Variants in PPP6R3 observed in about 807,000 individuals in gnomAD.
PPP6R3 encodes the protein protein phosphatase 6 regulatory subunit 3.
Under a neutral mutation model 110.7 loss-of-function variants are expected in PPP6R3, and 38 were observed. That is an observed-to-expected ratio of 0.34 (90% CI 0.26 to 0.45). PPP6R3 has a LOEUF of 0.45. PPP6R3 is among the 20% of genes least tolerant of loss of function. PPP6R3 has a pLI of 1.00. For missense variants in PPP6R3, 870 were observed against 1,062.4 expected, an observed-to-expected ratio of 0.82 and a Z score of 2.52; for synonymous variants, 369 against 373.5, an observed-to-expected ratio of 0.99 and a Z score of 0.14.
At chr11:68,462,781 T>C (rs1231034086) in intron 1 of PPP6R3, among the ~76,000 whole-genome samples, 1 of 152,174 alleles carries the variant, frequency 6.6e-6, no homozygotes. Context: ...AAACCTTGCG[T>C]GCACCTTCCC....
At chr11:68,581,656 C>G (rs1359679688) in intron 14 of PPP6R3, among the ~76,000 whole-genome samples, 5 of 152,228 alleles carry the variant, frequency 3.3e-5, no homozygotes, top group Non-Finnish European at 5.9e-5. Context: ...ATGCCAGCTG[C>G]CATGACCAAG....
At chr11:68,566,211 G>A (rs982662125) in intron 9 of PPP6R3, among the ~76,000 whole-genome samples, 6 of 151,696 alleles carry the variant, frequency 4.0e-5, no homozygotes, top group Admixed American at 3.9e-4. Context: ...ACCACTTGTA[G>A]CAACTACTAC....
chr11:68,473,054 G>A (rs1049515548), intron 1 of PPP6R3, among the ~76,000 whole-genome samples: 2 of 151,940 alleles, frequency 1.3e-5, no homozygotes, highest in African/African-American at 2.4e-5. Context: ...CATAGTTTCC[G>A]GGCATACAGC....
At chr11:68,575,089 A>G (rs1305982285) in intron 13 of PPP6R3, among the ~76,000 whole-genome samples, 1 of 152,230 alleles carries the variant, frequency 6.6e-6, no homozygotes, top group Non-Finnish European at 1.5e-5. Flanking sequence ...AAGAGGTATA[A>G]GCCTCTTCCT....
chr11:68,496,072 C>T (rs2099013617), intron 1 of PPP6R3, among the ~76,000 whole-genome samples: 2 of 152,138 alleles, frequency 1.3e-5, no homozygotes, highest in Non-Finnish European at 2.9e-5. Flanking sequence ...GCATGATAGC[C>T]TTGACCTCCT....
chr11:68,541,345 C>T (rs1254728434), intron 3 of PPP6R3, among the ~76,000 whole-genome samples: 2 of 152,092 alleles, frequency 1.3e-5, no homozygotes, highest in Non-Finnish European at 2.9e-5. Context: ...CTGCAGTGAT[C>T]AGCAGAGAAA....
rs2099447348 is a variant in PPP6R3 at position 68,564,362 on chromosome 11, A to G, written c.905A>G (p.Asn302Ser). The stretch of plus-strand genomic sequence containing the variant: ...ATGAGCCATTCAGCTTGTTCAGTAA[A>G]CAAGAGTGTTCTAGAAGCCATCAGA... Reference protein sequence around the residue: ...PGMSHSACSVNKSVLEAIRGR... With the variant: ...PGMSHSACSVSKSVLEAIRGR... Residue 302 changes from asparagine to serine, a missense_variant, in exon 9 of 24, where the codon AAC becomes AGC. Physicochemically the swap from Asn to Ser is conservative, Grantham distance 46. Transcript: ENST00000393800. 2 of 1,613,476 alleles carry G rather than the reference A, an allele frequency of 1.2e-6. No homozygotes were observed. Among genetic ancestry groups the G allele is most frequent in the Non-Finnish European group, 1.7e-6 (2 of 1,179,356 alleles).
At chr11:68,560,723 A>G (rs1266116434) in intron 8 of PPP6R3, among the ~76,000 whole-genome samples, 1 of 152,190 alleles carries the variant, frequency 6.6e-6, no homozygotes, top group Non-Finnish European at 1.5e-5. Flanking sequence ...ACACAAAATC[A>G]TGGGAACAAA....
intron 19 of PPP6R3, among the ~76,000 whole-genome samples, chr11:68,596,478 CAG>C (rs1412258318): frequency 6.6e-6 from 1 of 152,208 alleles, no homozygotes; most frequent in Non-Finnish European, 1.5e-5. Context: ...GGCTGGAGGA[CAG>C]AGCCCACTGC....
At chr11:68,570,049 A>G (rs2099496831) in intron 11 of PPP6R3, 152 bp downstream of exon 11, 1 of 684,558 alleles carries the variant, frequency 1.5e-6, no homozygotes, top group African/African-American at 1.8e-5. Context: ...CTTTTAACAT[A>G]TAAATCATTA....
chr11:68,554,115 T>A, intron 6 of PPP6R3, 30 bp from the exon 7 acceptor site: 1 of 1,470,200 alleles, frequency 6.8e-7, no homozygotes, highest in Non-Finnish European at 9.4e-7. Flanking sequence ...TAACATGTTT[T>A]ATGGTTAAAA....
chr11:68,550,278 C>G lies in PPP6R3; in HGVS notation c.553-843C>G, dbSNP rs1283595245. Among the ~76,000 whole-genome samples the G allele has an allele frequency of 2.6e-5, 4 of 152,102 alleles. No homozygotes were observed. The East Asian group carries it at 7.7e-4, about 29-fold the overall frequency. ...TTGTTTGGTGTTTTCGTTGAGCAGC[C>G]AGAGAGTGTCAGGGTTTCTTCTCTG... On this transcript the variant is annotated intron_variant, in intron 5 of 23. Coordinates refer to ENST00000393800, the MANE Select transcript of PPP6R3 (RefSeq NM_001164161.2).
At chr11:68,495,653 T>C (rs2099010711) in intron 1 of PPP6R3, among the ~76,000 whole-genome samples, 1 of 152,246 alleles carries the variant, frequency 6.6e-6, no homozygotes, top group African/African-American at 2.4e-5. Context: ...CTGTGTAACA[T>C]GTATGAGTAC....
intron 6 of PPP6R3, among the ~76,000 whole-genome samples, chr11:68,552,165 A>T (rs74764709): frequency 0.015 from 2,075 of 136,102 alleles, 57 homozygotes; most frequent in African/African-American, 0.052. Context: ...ACCTACAGAC[A>T]TGATAGTTCT....
At chr11:68,476,736 T>C (rs974659712) in intron 1 of PPP6R3, among the ~76,000 whole-genome samples, 6 of 152,178 alleles carry the variant, frequency 3.9e-5, no homozygotes, top group African/African-American at 1.2e-4. Context: ...TAAATTGTGT[T>C]AATAGGGCTG....
chr11:68,539,199 A>G (rs2099293643), intron 3 of PPP6R3, among the ~76,000 whole-genome samples: 1 of 152,174 alleles, frequency 6.6e-6, no homozygotes, highest in South Asian at 2.1e-4. Flanking sequence ...ATCAGAGAGC[A>G]CAGATTTTGG....
In PPP6R3 at chr11:68,544,962, C is replaced by T. The variant is rs748736584; in HGVS notation, c.352C>T (p.Pro118Ser). Reference protein sequence around the residue: ...SFLLNDSPLNPLLASFFSKVL... With the variant: ...SFLLNDSPLNSLLASFFSKVL... Reference sequence around the variant, plus strand: ...CCTCCTAAACGATTCCCCTTTGAATCCACTACTTGCCAGTTTCTTCAGCAA... The same window carrying T: ...CCTCCTAAACGATTCCCCTTTGAATTCACTACTTGCCAGTTTCTTCAGCAA... Residue 118 changes from proline to serine, a missense_variant, in exon 4 of 24, where the codon CCA becomes TCA. By Grantham distance (74) the Pro-to-Ser change is moderately conservative. Coordinates refer to ENST00000393800, the MANE Select transcript of PPP6R3 (RefSeq NM_001164161.2). 3.1e-6 allele frequency: 5 copies of T among 1,608,224 alleles called. No homozygotes were observed. In the South Asian group the frequency reaches 3.3e-5, roughly 11 times the overall value.
intron 1 of PPP6R3, among the ~76,000 whole-genome samples, chr11:68,465,734 G>C (rs776000535): frequency 4.6e-5 from 7 of 152,204 alleles, no homozygotes; most frequent in Non-Finnish European, 8.8e-5. Flanking sequence ...AACAAGAGAC[G>C]ACAAAGCTGT....
In PPP6R3 at chr11:68,468,836, A is replaced by G. The variant is rs79859196; in HGVS notation, c.-158+8009A>G. ...TAGAGATCATAAATTTGAGGTTTGC[A>G]GTTTGCTTTCTAAAACATCTTTTAA... On this transcript the variant is annotated intron_variant, in intron 1 of 23. Transcript: ENST00000393800. Among the ~76,000 whole-genome samples the G allele has an allele frequency of 4.5e-4, 69 of 152,356 alleles. 1 individual carries two copies. Among genetic ancestry groups the G allele is most frequent in the African/African-American group, 1.6e-3 (66 of 41,578 alleles).
Sources: gnomAD v4.1 joint callset for allele counts (sites outside exome capture counted in the v4.1 genomes callset) on GRCh38, gnomAD v4.1.1 for gene constraint, MANE v1.5 for transcripts, NCBI Gene and HGNC (gene_info 2026-07-23, HGNC 2026-07-21) for gene names.